The following ZCWPW2 variants were observed in gnomAD, a reference collection of about 807,000 sequenced individuals.
ZCWPW2 encodes zinc finger CW-type PWWP domain protein 2.
A neutral mutation model predicts 46.6 loss-of-function variants in ZCWPW2; 45 were observed. The ratio of observed to expected loss-of-function variants is 0.96; its 90% CI spans 0.76 to 1.24. The LOEUF (loss-of-function observed/expected upper bound fraction) is 1.24. ZCWPW2 is among the 50% of genes most tolerant of loss of function. ZCWPW2 has a pLI of 0.00. For synonymous variants in ZCWPW2, 152 were observed against 137.1 expected, an observed-to-expected ratio of 1.11 and a Z score of -0.76; for missense variants, 429 against 403.9, an observed-to-expected ratio of 1.06 and a Z score of -0.53.
chr3:28,470,714 T>C (rs1699010684), intron 4 of ZCWPW2, among the ~76,000 whole-genome samples: 1 of 151,804 alleles, frequency 6.6e-6, no homozygotes, highest in South Asian at 2.1e-4. Context: ...AAACTCAAAC[T>C]CAACTGATTT....
rs181373331 is a variant in ZCWPW2 at position 28,373,477 on chromosome 3, T to C, written c.-133-17021T>C. On this transcript the variant is annotated intron_variant, in intron 1 of 9. Coordinates refer to ENST00000383768, the MANE Select transcript of ZCWPW2 (RefSeq NM_001040432.4). Reference sequence around the variant, plus strand: ...TGTTTTTTTTTGTTTGTTTGTTTGTTTGTTTTTTGAGATGGAGTCTCGCTC... The same window carrying C: ...TGTTTTTTTTTGTTTGTTTGTTTGTCTGTTTTTTGAGATGGAGTCTCGCTC... Among the ~76,000 whole-genome samples, 48 of 152,198 alleles carry C rather than the reference T, an allele frequency of 3.2e-4. No individual in the cohort carries two copies. The East Asian group carries it at 8.5e-3, about 27-fold the overall frequency.
chr3:28,401,120 A>G (rs1430912284), intron 2 of ZCWPW2, among the ~76,000 whole-genome samples: 1 of 151,962 alleles, frequency 6.6e-6, no homozygotes, highest in Non-Finnish European at 1.5e-5. Context: ...CGGAGCTTGC[A>G]GTGAGCTGAG....
intron 1 of ZCWPW2, among the ~76,000 whole-genome samples, chr3:28,363,977 T>C (rs1705031773): frequency 6.6e-6 from 1 of 152,158 alleles, no homozygotes; most frequent in South Asian, 2.1e-4. Context: ...CTATCTCAAA[T>C]TTCCTGTTAA....
intron 2 of ZCWPW2, among the ~76,000 whole-genome samples, chr3:28,410,485 G>T (rs185837259): frequency 2.9e-4 from 44 of 151,706 alleles, no homozygotes; most frequent in African/African-American, 1.1e-3. Context: ...CAAAACAAAT[G>T]CCAAAAAAAT....
intron 4 of ZCWPW2, among the ~76,000 whole-genome samples, chr3:28,472,300 A>T (rs2125798124): frequency 6.6e-6 from 1 of 152,274 alleles, no homozygotes. Flanking sequence ...AAAACTGAAG[A>T]AATCACATTA....
intron 4 of ZCWPW2, among the ~76,000 whole-genome samples, chr3:28,451,698 G>A (rs529125083): frequency 1.2e-4 from 19 of 152,250 alleles, no homozygotes; most frequent in African/African-American, 4.3e-4. Flanking sequence ...AGATTCATTA[G>A]GATCCCAATT....
chr3:28,350,647 A>G (rs766335909), intron 1 of ZCWPW2, among the ~76,000 whole-genome samples: 3 of 148,932 alleles, frequency 2.0e-5, no homozygotes, highest in African/African-American at 5.1e-5. Context: ...TTAGCTGCAA[A>G]TGGTCACTTT....
intron 5 of ZCWPW2, among the ~76,000 whole-genome samples, chr3:28,483,113 T>G (rs1699485823): frequency 6.6e-6 from 1 of 152,122 alleles, no homozygotes. Flanking sequence ...CTTCTAGGAG[T>G]TTTATAATTT....
intron 5 of ZCWPW2, among the ~76,000 whole-genome samples, chr3:28,491,483 G>A (rs1197776290): frequency 6.6e-6 from 1 of 151,946 alleles, no homozygotes; most frequent in East Asian, 1.9e-4. Flanking sequence ...TTTAGGAGTG[G>A]CATAATGAGA....
At chr3:28,398,987 G>A (rs909823793) in intron 2 of ZCWPW2, among the ~76,000 whole-genome samples, 4 of 152,192 alleles carry the variant, frequency 2.6e-5, no homozygotes, top group Non-Finnish European at 5.9e-5. Flanking sequence ...CTACAGGCGG[G>A]GAACAAGGAA....
chr3:28,433,705 G>A lies in ZCWPW2; in HGVS notation c.333-1405G>A, dbSNP rs181571565. 6.6e-4 allele frequency among the ~76,000 whole-genome samples: 99 copies of A among 149,354 alleles called. 1 individual carries two copies. The East Asian group carries it at 6.8e-3, about 10-fold the overall frequency. On this transcript the variant is annotated intron_variant, in intron 3 of 9. Transcript: ENST00000383768. ...CAGGAGACGGAGGCTGCGGTGAGCC[G>A]AGATCACACCATTGGACTCCAGCCT...
In ZCWPW2 at chr3:28,472,887, AC is replaced by A. The variant is rs200406931; in HGVS notation, c.493-5926del. ...CAAACAGTTCTATAGGAAAAAAAAA[AC>A]AAACTAATAATCTAATAAAAAAATG... On this transcript the variant is annotated intron_variant, in intron 4 of 9. Transcript: ENST00000383768. Among the ~76,000 whole-genome samples, 426 of 152,116 alleles carry A rather than the reference AC, an allele frequency of 2.8e-3. 4 individuals are homozygous for A. The highest frequency in any genetic ancestry group is 9.6e-3 in the African/African-American group (396 of 41,458).
intron 6 of ZCWPW2, among the ~76,000 whole-genome samples, chr3:28,509,821 A>C (rs1019368211): frequency 2.6e-5 from 4 of 152,170 alleles, no homozygotes; most frequent in African/African-American, 9.6e-5. Context: ...AAGTTTTAAA[A>C]TGTTGATGAC....
intron 1 of ZCWPW2, among the ~76,000 whole-genome samples, chr3:28,380,107 C>T (rs927906939): frequency 3.3e-5 from 5 of 152,072 alleles, no homozygotes; most frequent in African/African-American, 4.8e-5. Flanking sequence ...CTCAGCCTCC[C>T]GAGTAGCTGG....
chr3:28,357,797 T>TTATATATA (rs3068920), intron 1 of ZCWPW2, among the ~76,000 whole-genome samples: 452 of 140,408 alleles, frequency 3.2e-3, no homozygotes, highest in African/African-American at 8.5e-3. Flanking sequence ...TTGGTATATT[T>TTATATATA]TATATATATA....
chr3:28,362,735 T>C (rs569879410), intron 1 of ZCWPW2, among the ~76,000 whole-genome samples: 1 of 152,202 alleles, frequency 6.6e-6, no homozygotes, highest in African/African-American at 2.4e-5. Context: ...CGAAGAAATA[T>C]AAATTGTTGT....
chr3:28,478,303 G>A, intron 4 of ZCWPW2: 3 of 322,730 alleles, frequency 9.3e-6, no homozygotes, highest in South Asian at 2.4e-5. Context: ...GAGTGCAGTG[G>A]CACAATCTCG....
rs1274066428 is a variant in ZCWPW2 at position 28,514,132 on chromosome 3, T to C, written c.716+10T>C. Reference sequence around the variant, plus strand: ...TTAGAAAAAGGAAAAGGTATGCTTTTTGAAATTAAATAGTATTATGATAAA... The same window carrying C: ...TTAGAAAAAGGAAAAGGTATGCTTTCTGAAATTAAATAGTATTATGATAAA... On this transcript the variant is annotated intron_variant, in intron 7 of 9. Transcript: ENST00000383768. The C allele has an allele frequency of 2.1e-6, 3 of 1,451,726 alleles. No homozygotes were observed. Among genetic ancestry groups the C allele is most frequent in the Non-Finnish European group, 2.8e-6 (3 of 1,062,758 alleles). 89.9% of individuals were successfully genotyped at this position (1,451,726 alleles called of 1,614,324 possible). A position where few individuals can be genotyped will look rare whatever the true frequency, so the allele number is the denominator to read the frequency against.
chr3:28,505,784 C>T (rs1169118496), intron 6 of ZCWPW2, among the ~76,000 whole-genome samples: 1 of 152,028 alleles, frequency 6.6e-6, no homozygotes, highest in Non-Finnish European at 1.5e-5. Context: ...GACAATTACT[C>T]TCAAAAGAAG....
Sources: allele counts gnomAD v4.1 joint callset (sites outside exome capture counted in the v4.1 genomes callset), GRCh38; gene constraint gnomAD v4.1.1; transcripts MANE v1.5; gene names NCBI Gene and HGNC (gene_info 2026-07-23, HGNC 2026-07-21).